CSPP1: variants seen among roughly 807,000 people sequenced by gnomAD.
The protein encoded by CSPP1 is centrosome and spindle pole-associated protein 1.
CSPP1 carries 126 observed loss-of-function variants against 164.4 expected under a neutral mutation model. The ratio of observed to expected loss-of-function variants is 0.77; its 90% CI spans 0.66 to 0.89. The LOEUF (loss-of-function observed/expected upper bound fraction) is 0.89. Among genes scored for constraint, CSPP1 ranks in the 40% least tolerant of loss-of-function variants. CSPP1 has a pLI of 0.00. For synonymous variants in CSPP1, 472 were observed against 476.7 expected (o/e 0.99, Z 0.13); for missense variants, 1,395 against 1,449.8 (o/e 0.96, Z 0.61).
chr8:67,116,694 T>C (rs914382512), intron 13 of CSPP1, among the ~76,000 whole-genome samples: 2 of 152,166 alleles, frequency 1.3e-5, no homozygotes, highest in Non-Finnish European at 2.9e-5. Context: ...TAATAGAATA[T>C]ACATAAAGAA....
At chr8:67,175,822 G>C (rs1831484225) in intron 26 of CSPP1, among the ~76,000 whole-genome samples, 1 of 152,236 alleles carries the variant, frequency 6.6e-6, no homozygotes, top group Admixed American at 6.5e-5. Context: ...GTCTACTGTG[G>C]TGTGAGTGTG....
chr8:67,154,460 G>A (rs1358357190), intron 19 of CSPP1, among the ~76,000 whole-genome samples: 1 of 152,086 alleles, frequency 6.6e-6, no homozygotes, highest in Non-Finnish European at 1.5e-5. Context: ...TCCGCCTCCT[G>A]GCTTTAAGTG....
intron 19 of CSPP1, among the ~76,000 whole-genome samples, chr8:67,156,140 T>G (rs1423799463): frequency 2.0e-5 from 3 of 152,218 alleles, no homozygotes; most frequent in South Asian, 4.1e-4. Flanking sequence ...TTGTATAGAC[T>G]TTTATTGTTT....
At chr8:67,189,109 ACT>A (rs1835487692) in intron 28 of CSPP1, among the ~76,000 whole-genome samples, 3 of 152,184 alleles carry the variant, frequency 2.0e-5, no homozygotes, top group Admixed American at 2.0e-4. Context: ...CATTCAAAAC[ACT>A]GACACCAAAT....
At chr8:67,065,475 T>A in intron 1 of CSPP1, 1 of 938,450 alleles carries the variant, frequency 1.1e-6, no homozygotes, top group Non-Finnish European at 1.3e-6. Flanking sequence ...AAGCCTAAAT[T>A]AGGCTTTATT....
chr8:67,156,021 G>A (rs1356980949), intron 19 of CSPP1, among the ~76,000 whole-genome samples: 1 of 152,144 alleles, frequency 6.6e-6, no homozygotes, highest in African/African-American at 2.4e-5. Flanking sequence ...GTAAAGGACC[G>A]TGTGGTATAT....
chr8:67,133,968 T>C (rs1821749314), intron 16 of CSPP1: 1 of 152,240 alleles, frequency 6.6e-6, no homozygotes, highest in South Asian at 2.1e-4. Context: ...TTCTCTCAAG[T>C]CTTCCATGCC....
At chr8:67,087,834 G>A (rs1246827981) in intron 4 of CSPP1, among the ~76,000 whole-genome samples, 1 of 152,190 alleles carries the variant, frequency 6.6e-6, no homozygotes. Flanking sequence ...TGGTAACTGT[G>A]TTTTAGGACA....
chr8:67,168,813 T>C (rs540646957), intron 24 of CSPP1, among the ~76,000 whole-genome samples: 1 of 152,368 alleles, frequency 6.6e-6, no homozygotes, highest in African/African-American at 2.4e-5. Context: ...TGTGAAGATT[T>C]AGTAACCTAC....
At chr8:67,162,038 G>T (rs1563721576) in intron 22 of CSPP1, 123 bp downstream of exon 22, 1 of 645,626 alleles carries the variant, frequency 1.5e-6, no homozygotes, top group East Asian at 2.7e-5. Flanking sequence ...AAATATAGGT[G>T]ATATCTACAG....
At chr8:67,078,951 G>A (rs957330703) in intron 3 of CSPP1, among the ~76,000 whole-genome samples, 2 of 152,062 alleles carry the variant, frequency 1.3e-5, no homozygotes, top group African/African-American at 4.8e-5. Context: ...CAGCCTGGGT[G>A]ACAGAGAGAG....
At chr8:67,175,518 A>C in intron 26 of CSPP1, 82 bp downstream of exon 26, 13 of 1,509,108 alleles carry the variant, frequency 8.6e-6, no homozygotes, top group Non-Finnish European at 1.1e-5. Flanking sequence ...TATTGATTTC[A>C]TTCCCAGGCA....
intron 6 of CSPP1, 100 bp downstream of exon 6, chr8:67,093,741 T>G: frequency 1.6e-6 from 1 of 628,294 alleles, no homozygotes; most frequent in Non-Finnish European, 2.7e-6. Context: ...TACTTTTTTT[T>G]GTAAATACTT....
intron 2 of CSPP1, 26 bp from the exon 3 acceptor site, chr8:67,076,456 T>C: frequency 7.1e-7 from 1 of 1,399,514 alleles, no homozygotes; most frequent in African/African-American, 1.5e-5. Flanking sequence ...TTCCTCTTGC[T>C]TTTGTAAACA....
At chr8:67,137,772 A>G (rs1822655732) in intron 17 of CSPP1, among the ~76,000 whole-genome samples, 169 bp downstream of exon 17, 1 of 152,210 alleles carries the variant, frequency 6.6e-6, no homozygotes, top group Admixed American at 6.5e-5. Flanking sequence ...GAGGCTAGAA[A>G]GCATTTCTTC....
At chr8:67,151,374 T>C (rs1825655981) in intron 18 of CSPP1, among the ~76,000 whole-genome samples, 1 of 152,204 alleles carries the variant, frequency 6.6e-6, no homozygotes, top group South Asian at 2.1e-4. Flanking sequence ...TTTTGACTTA[T>C]TTCTGATATT....
At chr8:67,079,832 G>A (rs1213684486) in intron 3 of CSPP1, among the ~76,000 whole-genome samples, 2 of 152,164 alleles carry the variant, frequency 1.3e-5, no homozygotes, top group African/African-American at 4.8e-5. Flanking sequence ...GCATCCCGTT[G>A]TATTTCCACT....
At chr8:67,146,122 CTTTTTT>C (rs939978795) in intron 17 of CSPP1, among the ~76,000 whole-genome samples, 1 of 125,136 alleles carries the variant, frequency 8.0e-6, no homozygotes, top group Non-Finnish European at 1.7e-5. Flanking sequence ...ATATACTTTT[CTTTTTT>C]TTTTTTTTTT....
intron 26 of CSPP1, among the ~76,000 whole-genome samples, chr8:67,176,390 T>G (rs1032416462): frequency 2.0e-5 from 3 of 152,190 alleles, no homozygotes; most frequent in Admixed American, 6.5e-5. Context: ...GAGTAAGTGA[T>G]GCAGCAGTTT....
Sources: gnomAD v4.1 joint callset for allele counts (sites outside exome capture counted in the v4.1 genomes callset) on GRCh38, gnomAD v4.1.1 for gene constraint, MANE v1.5 for transcripts, NCBI Gene and HGNC (gene_info 2026-07-23, HGNC 2026-07-21) for gene names.